PTGER3: variants seen among roughly 807,000 people sequenced by gnomAD.
PTGER3 encodes the protein prostaglandin E receptor 3.
PTGER3 carries 22 observed loss-of-function variants against 34.7 expected under a neutral mutation model. The ratio of observed to expected loss-of-function variants is 0.63; its 90% CI spans 0.45 to 0.91. PTGER3 has a LOEUF of 0.91. Ranked by LOEUF, PTGER3 falls within the 40% of genes least tolerant of loss-of-function variation. PTGER3 has a pLI of 0.00. For synonymous variants in PTGER3, 241 were observed against 230.1 expected (o/e 1.05, Z -0.43); for missense variants, 468 against 519.4 (o/e 0.90, Z 0.96).
At chr1:71,040,331 G>A (rs1299358778) in intron 1 of PTGER3, among the ~76,000 whole-genome samples, 1 of 152,098 alleles carries the variant, frequency 6.6e-6, no homozygotes, top group Non-Finnish European at 1.5e-5. Flanking sequence ...CCAGCGCGGT[G>A]GCTCGTGCCT....
At chr1:70,877,403 A>C (rs905760289) in intron 4 of PTGER3, among the ~76,000 whole-genome samples, 3 of 152,054 alleles carry the variant, frequency 2.0e-5, no homozygotes, top group Non-Finnish European at 4.4e-5. Context: ...CTACAAACTG[A>C]TATAGTTTGA....
chr1:70,981,476 C>A (rs1389939122), intron 2 of PTGER3, among the ~76,000 whole-genome samples: 1 of 151,224 alleles, frequency 6.6e-6, no homozygotes, highest in East Asian at 2.0e-4. Flanking sequence ...CGCAGTGGCA[C>A]AATCACAGCT....
intron 2 of PTGER3, among the ~76,000 whole-genome samples, chr1:70,987,557 G>A (rs902110111): frequency 2.6e-5 from 4 of 152,166 alleles, no homozygotes; most frequent in African/African-American, 9.7e-5. Context: ...CTCCAAGTAA[G>A]AGCTGATTTG....
intron 2 of PTGER3, among the ~76,000 whole-genome samples, chr1:70,975,317 T>C (rs1324950191): frequency 6.6e-6 from 1 of 152,106 alleles, no homozygotes; most frequent in Non-Finnish European, 1.5e-5. Context: ...ATTCTCCATA[T>C]TACACATCTC....
rs746587373 is a variant in PTGER3, at chr1:70,979,413, C to T, written c.1078-5025G>A. Among the ~76,000 whole-genome samples the T allele has an allele frequency of 3.3e-5, 5 of 151,328 alleles. No homozygotes were observed. The South Asian group carries it at 6.3e-4, about 19-fold the overall frequency. On this transcript the variant is annotated intron_variant, in intron 2 of 3. Coordinates refer to ENST00000306666, the MANE Select transcript of PTGER3 (RefSeq NM_198719.2). The stretch of plus-strand genomic sequence containing the variant: ...TCATTATTTAGCTGTAAAAAGATTG[C>T]TTTCATAAAAAAATTAATTGTTATT...
At chr1:70,942,193 G>A (rs1024543414) in intron 4 of PTGER3, among the ~76,000 whole-genome samples, 4 of 152,106 alleles carry the variant, frequency 2.6e-5, no homozygotes, top group African/African-American at 7.2e-5. Context: ...CTTGAGCACA[G>A]CCACCCAGGC....
chr1:71,006,160 G>T, intron 2 of PTGER3: 3 of 983,666 alleles, frequency 3.0e-6, no homozygotes, highest in Non-Finnish European at 3.6e-6. Context: ...ACAAAACTCT[G>T]CCTATCCTGA....
At chr1:70,862,546 T>C (rs889794162) in intron 4 of PTGER3, 1 of 371,494 alleles carries the variant, frequency 2.7e-6, no homozygotes, top group Non-Finnish European at 5.2e-6. Context: ...GGCTTTGACT[T>C]AGAAAGCTCA....
At chr1:70,856,682 CA>C (rs772664595) in intron 4 of PTGER3, among the ~76,000 whole-genome samples, 1 of 152,096 alleles carries the variant, frequency 6.6e-6, no homozygotes, top group Non-Finnish European at 1.5e-5. Context: ...TAAAAGCTTA[CA>C]TTTTTTACTT....
chr1:70,877,986 C>T (rs1031597136), intron 4 of PTGER3, among the ~76,000 whole-genome samples: 1 of 152,046 alleles, frequency 6.6e-6, no homozygotes, highest in Non-Finnish European at 1.5e-5. Context: ...AGGAGTCCCT[C>T]CCCCTCAGTT....
intron 4 of PTGER3, among the ~76,000 whole-genome samples, chr1:70,928,915 CAT>C (rs1031925863): frequency 1.3e-5 from 2 of 151,482 alleles, no homozygotes; most frequent in African/African-American, 4.9e-5. Flanking sequence ...TACACACATA[CAT>C]ATATATAAAC....
chr1:70,968,219 T>A (rs539890238), downstream of PTGER3, among the ~76,000 whole-genome samples: 1 of 152,350 alleles, frequency 6.6e-6, no homozygotes, highest in South Asian at 2.1e-4. Context: ...GCAAAAGCTG[T>A]AAGTTTAAAA....
chr1:70,938,583 G>A (rs1044072099), intron 4 of PTGER3, among the ~76,000 whole-genome samples: 1 of 152,076 alleles, frequency 6.6e-6, no homozygotes, highest in Non-Finnish European at 1.5e-5. Context: ...GGGAAGAAAA[G>A]GTGGTCTAAT....
At chr1:70,953,733 A>G (rs1651010590) in intron 3 of PTGER3, 1 of 1,538,406 alleles carries the variant, frequency 6.5e-7, no homozygotes, top group Middle Eastern at 1.7e-4. Context: ...TTCAAATGCA[A>G]CTAGTTTTAA....
At chr1:71,011,979 C>A in intron 2 of PTGER3, 1 of 1,339,840 alleles carries the variant, frequency 7.5e-7, no homozygotes. Context: ...ACATATTCAG[C>A]TACGAATGGC....
chr1:71,025,932 G>T (rs1276704760), intron 1 of PTGER3, among the ~76,000 whole-genome samples: 1 of 152,168 alleles, frequency 6.6e-6, no homozygotes, highest in African/African-American at 2.4e-5. Context: ...CGAAAGCAAT[G>T]CTATTGTGTG....
intron 4 of PTGER3, among the ~76,000 whole-genome samples, chr1:70,892,943 G>A (rs1233190225): frequency 6.6e-6 from 1 of 151,436 alleles, no homozygotes; most frequent in African/African-American, 2.4e-5. Context: ...AGCAGATCCT[G>A]TAATACATAT....
At chr1:71,045,945 T>C (rs1336657497) in intron 1 of PTGER3, among the ~76,000 whole-genome samples, 2 of 151,226 alleles carry the variant, frequency 1.3e-5, no homozygotes, top group Non-Finnish European at 2.9e-5. Flanking sequence ...GCTGTGACTG[T>C]ATGGGGTTGC....
At chr1:71,010,420 A>T (rs1657338732) in intron 2 of PTGER3, 1 of 984,342 alleles carries the variant, frequency 1.0e-6, no homozygotes. Flanking sequence ...CTGCTCATTG[A>T]TTCACTGAAT....
Sources: gnomAD v4.1 joint callset for allele counts (sites outside exome capture counted in the v4.1 genomes callset) on GRCh38, gnomAD v4.1.1 for gene constraint, MANE v1.5 for transcripts, NCBI Gene and HGNC (gene_info 2026-07-23, HGNC 2026-07-21) for gene names.